SPMAP1: variants seen among roughly 807,000 people sequenced by gnomAD.
SPMAP1 encodes sperm microtubule associated protein 1.
chr17:38,838,312 T>A, the SPMAP1 span, among the ~76,000 whole-genome samples: 1 of 151,882 alleles, frequency 6.6e-6, no homozygotes, highest in Non-Finnish European at 1.5e-5. Context: ...ATAATACTTT[T>A]AAAAATTAAA....
At chr17:38,841,393 A>G in the SPMAP1 span, 4 of 1,613,760 alleles carry the variant, frequency 2.5e-6, no homozygotes, top group Non-Finnish European at 3.4e-6. Flanking sequence ...ACGCCATCCC[A>G]ACCACCGTAG....
chr17:38,836,886 C>T, the SPMAP1 span, among the ~76,000 whole-genome samples: 7 of 151,846 alleles, frequency 4.6e-5, no homozygotes, highest in Non-Finnish European at 7.4e-5. Flanking sequence ...TGAGCCACTG[C>T]ACCTGTCCGT....
At chr17:38,835,101 A>T in the SPMAP1 span, 14 of 1,431,412 alleles carry the variant, frequency 9.8e-6, no homozygotes, top group South Asian at 1.2e-5. Flanking sequence ...ACACAAATTA[A>T]TTTTTTTAAC....
the SPMAP1 span, chr17:38,841,296 AGCGCCCATAAGC>A: frequency 1.2e-6 from 2 of 1,614,160 alleles, no homozygotes; most frequent in Non-Finnish European, 8.5e-7. Flanking sequence ...TTGGGCCTAG[AGCGCCCATAAGC>A]GCGGGCAGCG....
the SPMAP1 span, among the ~76,000 whole-genome samples, chr17:38,835,776 G>C: frequency 1.4e-4 from 22 of 152,304 alleles, no homozygotes; most frequent in African/African-American, 5.1e-4. Flanking sequence ...GGATGGTGGA[G>C]CCAGGCTGGG....
chr17:38,841,159 G>C, the SPMAP1 span: 1 of 1,582,788 alleles, frequency 6.3e-7, no homozygotes, highest in African/African-American at 1.3e-5. Flanking sequence ...GAGGTGTGTG[G>C]GGTCTTCCGG....
chr17:38,837,206 A>G, the SPMAP1 span: 3 of 1,613,992 alleles, frequency 1.9e-6, no homozygotes, highest in Non-Finnish European at 2.5e-6. Flanking sequence ...GATGTAGTCT[A>G]CTATCCAGCC....
the SPMAP1 span, chr17:38,841,096 G>T: frequency 1.1e-6 from 1 of 881,772 alleles, no homozygotes; most frequent in Non-Finnish European, 1.8e-6. Flanking sequence ...AACCGAGGAG[G>T]TGAAAGTGGC....
chr17:38,835,140 C>T, the SPMAP1 span: 9 of 1,584,840 alleles, frequency 5.7e-6, no homozygotes, highest in African/African-American at 2.7e-5. Context: ...TTCATCTAAA[C>T]ATTTGTCTTA....
the SPMAP1 span, chr17:38,841,362 G>A: frequency 6.2e-7 from 1 of 1,614,080 alleles, no homozygotes. Context: ...TTCTCCAGTC[G>A]CAGGCGACAC....
chr17:38,835,976 G>A, the SPMAP1 span, among the ~76,000 whole-genome samples: 31 of 152,068 alleles, frequency 2.0e-4, no homozygotes, highest in African/African-American at 6.5e-4. Context: ...GTGCAATGGC[G>A]CAATCTCGGA....
chr17:38,839,087 A>G, the SPMAP1 span, among the ~76,000 whole-genome samples: 6 of 111,352 alleles, frequency 5.4e-5, no homozygotes, highest in African/African-American at 2.6e-4. Context: ...CTCTGTCTCA[A>G]AAAAAAAAAA....
the SPMAP1 span, among the ~76,000 whole-genome samples, chr17:38,840,664 G>C: frequency 2.1e-5 from 3 of 143,358 alleles, no homozygotes; most frequent in African/African-American, 5.3e-5. Context: ...AAATTAGCCC[G>C]GCGTGATGGC....
the SPMAP1 span, chr17:38,835,262 T>C: frequency 1.4e-5 from 23 of 1,614,152 alleles, no homozygotes; most frequent in Non-Finnish European, 1.9e-5. Context: ...GTTCCTGCGG[T>C]AGCCAAACCT....
At chr17:38,838,698 G>A in the SPMAP1 span, among the ~76,000 whole-genome samples, 1 of 152,192 alleles carries the variant, frequency 6.6e-6, no homozygotes, top group Non-Finnish European at 1.5e-5. Flanking sequence ...AGGATTGCTT[G>A]AGCCCAGCAG....
At chr17:38,840,063 G>A in the SPMAP1 span, among the ~76,000 whole-genome samples, 2 of 152,114 alleles carry the variant, frequency 1.3e-5, no homozygotes, top group African/African-American at 4.8e-5. Context: ...TCTTTGATCT[G>A]GGGGGTTGGT....
At chr17:38,841,294 AG>A in the SPMAP1 span, 2 of 1,614,206 alleles carry the variant, frequency 1.2e-6, no homozygotes, top group Non-Finnish European at 8.5e-7. Flanking sequence ...GCTTGGGCCT[AG>A]AGCGCCCATA....
chr17:38,838,021 A>T, the SPMAP1 span, among the ~76,000 whole-genome samples: 1 of 152,028 alleles, frequency 6.6e-6, no homozygotes, highest in Non-Finnish European at 1.5e-5. Flanking sequence ...AGTAGCTGAG[A>T]TTACAGGCAC....
the SPMAP1 span, chr17:38,837,278 C>T: frequency 2.1e-6 from 3 of 1,399,250 alleles, no homozygotes; most frequent in South Asian, 2.3e-5. Flanking sequence ...AGAACACTGT[C>T]AGCCACAATG....
Sources: allele counts gnomAD v4.1 joint callset (sites outside exome capture counted in the v4.1 genomes callset), GRCh38; gene constraint gnomAD v4.1.1; transcripts MANE v1.5; gene names NCBI Gene and HGNC (gene_info 2026-07-23, HGNC 2026-07-21).